Variants in TENM2 observed in about 807,000 individuals in gnomAD.
TENM2 encodes teneurin transmembrane protein 2.
Under a neutral mutation model 245.2 loss-of-function variants are expected in TENM2, and 52 were observed. The observed-to-expected ratio is 0.21, with a 90% confidence interval of 0.17 to 0.27. TENM2 has a LOEUF of 0.27. TENM2 is among the 10% of genes least tolerant of loss of function. TENM2 has a pLI of 1.00. For missense variants in TENM2, 3,046 were observed against 3,666.8 expected (o/e 0.83, Z 4.37); for synonymous variants, 1,363 against 1,438.9 (o/e 0.95, Z 1.19).
At chr5:167,326,722 T>TATAA (rs1270362299) in intron 1 of TENM2, among the ~76,000 whole-genome samples, 3 of 138,214 alleles carry the variant, frequency 2.2e-5, no homozygotes, top group Admixed American at 7.3e-5. Context: ...TATATATATA[T>TATAA]AAAATAAAGT....
intron 2 of TENM2, among the ~76,000 whole-genome samples, chr5:167,864,445 G>T (rs1289139823): frequency 2.6e-5 from 4 of 152,168 alleles, no homozygotes; most frequent in African/African-American, 4.8e-5. Flanking sequence ...TTACAGAATT[G>T]TCTCATTTAG....
chr5:167,454,092 C>T (rs1173032527), intron 2 of TENM2, among the ~76,000 whole-genome samples: 2 of 152,038 alleles, frequency 1.3e-5, no homozygotes, highest in Non-Finnish European at 1.5e-5. Context: ...TGCCCATAAT[C>T]ATATTATGGG....
the TENM2 span, among the ~76,000 whole-genome samples, chr5:167,198,567 G>C: frequency 6.6e-6 from 1 of 152,088 alleles, no homozygotes; most frequent in Non-Finnish European, 1.5e-5. Flanking sequence ...AAAACAAACA[G>C]TAGATCAAGT....
chr5:167,904,333 T>C (rs952961912), intron 3 of TENM2, among the ~76,000 whole-genome samples: 3 of 152,282 alleles, frequency 2.0e-5, no homozygotes, highest in African/African-American at 4.8e-5. Context: ...AGCAATCACC[T>C]AGACTCTATG....
At chr5:167,039,559 T>C in the TENM2 span, among the ~76,000 whole-genome samples, 1 of 152,048 alleles carries the variant, frequency 6.6e-6, no homozygotes, top group Non-Finnish European at 1.5e-5. Context: ...TGCAATTGTA[T>C]AGTCATATTT....
At chr5:167,779,562 T>C (rs1237350169) in intron 2 of TENM2, among the ~76,000 whole-genome samples, 1 of 152,190 alleles carries the variant, frequency 6.6e-6, no homozygotes, top group East Asian at 1.9e-4. Context: ...CTTCATATTG[T>C]CCTATACACA....
exon 25 of TENM2, chr5:168,227,997 C>A: frequency 1.2e-6 from 2 of 1,613,686 alleles, no homozygotes; most frequent in Non-Finnish European, 1.7e-6. Flanking sequence ...CATGTCCTAG[C>A]GGGCACCATC....
intron 10 of TENM2, among the ~76,000 whole-genome samples, chr5:168,120,500 G>C (rs991279471): frequency 6.6e-6 from 1 of 152,196 alleles, no homozygotes; most frequent in African/African-American, 2.4e-5. Context: ...GCCAGTCTTC[G>C]AATTTTTTCT....
chr5:167,085,739 G>T, the TENM2 span, among the ~76,000 whole-genome samples: 2 of 152,128 alleles, frequency 1.3e-5, no homozygotes, highest in Non-Finnish European at 2.9e-5. Flanking sequence ...GCAGATATAG[G>T]ATGCAAACCC....
In TENM2 at chr5:168,218,367, G is replaced by A. The variant is rs1181920938; in HGVS notation, c.4476G>A (p.Glu1492=). 1 of 1,614,062 alleles carries A rather than the reference G, an allele frequency of 6.2e-7. No individual in the cohort carries two copies. The highest frequency in any genetic ancestry group is 1.3e-5 in the African/African-American group (1 of 75,054). ...ACACTGGGGTCCTCTACATCACTGA[G>A]ACAGATGAGAAGAAGATTAACCGTC... Residue 1492 remains glutamate, a synonymous_variant, in exon 23 of 29, where the codon GAG becomes GAA. Coordinates refer to ENST00000518659, the Ensembl canonical transcript of TENM2. This position sits in a 1 kb window ranked among gnomAD's most constrained non-coding sequence, Gnocchi z 5.2.
chr5:167,698,196 T>C (rs1757894842), intron 2 of TENM2, among the ~76,000 whole-genome samples: 1 of 152,222 alleles, frequency 6.6e-6, no homozygotes, highest in South Asian at 2.1e-4. Context: ...CCTTTACCAG[T>C]AACTCCCTGG....
chr5:167,310,437 T>C (rs777264706), intron 1 of TENM2, among the ~76,000 whole-genome samples: 1 of 152,208 alleles, frequency 6.6e-6, no homozygotes, highest in African/African-American at 2.4e-5. Context: ...CTAGTGTTTA[T>C]TGATGCTATC....
chr5:167,308,598 C>T (rs376956850), intron 1 of TENM2, among the ~76,000 whole-genome samples: 71 of 152,244 alleles, frequency 4.7e-4, no homozygotes, highest in African/African-American at 1.4e-3. Context: ...CCCCTCAGGC[C>T]GCACTGCCCA....
chr5:167,170,201 C>T, the TENM2 span, among the ~76,000 whole-genome samples: 1 of 152,228 alleles, frequency 6.6e-6, no homozygotes, highest in South Asian at 2.1e-4. Flanking sequence ...GGAGGATTAA[C>T]AACTATGTTT....
At chr5:167,643,116 G>T (rs1014168402) in intron 2 of TENM2, among the ~76,000 whole-genome samples, 8 of 152,178 alleles carry the variant, frequency 5.3e-5, no homozygotes, top group African/African-American at 1.7e-4. Flanking sequence ...TTTTATAGAG[G>T]TATATTTTGT....
intron 27 of TENM2, among the ~76,000 whole-genome samples, chr5:168,249,202 A>G (rs1766871445): frequency 6.6e-6 from 1 of 151,798 alleles, no homozygotes; most frequent in African/African-American, 2.4e-5. Context: ...TGCTTGTGTT[A>G]TTAACATTGT....
the TENM2 span, among the ~76,000 whole-genome samples, chr5:166,999,160 C>T: frequency 6.6e-6 from 1 of 152,032 alleles, no homozygotes; most frequent in Non-Finnish European, 1.5e-5. Flanking sequence ...AATTAGTGGA[C>T]TCACAGTTTT....
rs10072027 is a variant in TENM2 at position 167,900,428 on chromosome 5, T to C, written c.712+24233T>C. Among the ~76,000 whole-genome samples, 436 of 152,280 alleles carry C rather than the reference T, an allele frequency of 2.9e-3. 3 individuals are homozygous for C. Among genetic ancestry groups the C allele is most frequent in the African/African-American group, 9.8e-3 (409 of 41,556 alleles). ...CCCAGCAGGCAAGAGAAGAAACTTT[T>C]CCAGGCTTGGCATGAGGACCTCTCT... On this transcript the variant is annotated intron_variant, in intron 3 of 28. Coordinates refer to ENST00000518659, the Ensembl canonical transcript of TENM2.
intron 2 of TENM2, among the ~76,000 whole-genome samples, chr5:167,555,269 A>G (rs1773197341): frequency 6.6e-6 from 1 of 152,236 alleles, no homozygotes; most frequent in East Asian, 1.9e-4. Flanking sequence ...GGCCTTAAAA[A>G]TAGTTTTGAC....
Sources: gnomAD v4.1 joint callset for allele counts (sites outside exome capture counted in the v4.1 genomes callset) on GRCh38, gnomAD v4.1.1 for gene constraint, Gnocchi (gnomAD v3.1) non-coding constraint, MANE v1.5 for transcripts, NCBI Gene and HGNC (gene_info 2026-07-23, HGNC 2026-07-21) for gene names.